Variants in ZNF584 observed in about 807,000 individuals in gnomAD.
The protein encoded by ZNF584 is zinc finger protein 584.
A neutral mutation model predicts 14.7 loss-of-function variants in ZNF584; 12 were observed. The observed-to-expected ratio is 0.82, with a 90% confidence interval of 0.52 to 1.32. The LOEUF (loss-of-function observed/expected upper bound fraction) is 1.32. Ranked by LOEUF, ZNF584 falls within the 40% of genes most tolerant of loss-of-function variation. ZNF584 has a pLI of 0.00. For synonymous variants in ZNF584, 204 were observed against 190.9 expected (o/e 1.07, Z -0.57); for missense variants, 478 against 518.8 (o/e 0.92, Z 0.76).
At chr19:58,416,621 C>T (rs186073822) in intron 3 of ZNF584, 190 bp from the exon 4 acceptor site, 5 of 528,102 alleles carry the variant, frequency 9.5e-6, no homozygotes, top group East Asian at 6.3e-5. Context: ...AGGCTGGTCT[C>T]GAACTCCTGA....
In ZNF584 at chr19:58,417,219, A is replaced by G. The variant is rs369606384; in HGVS notation, c.701A>G (p.Lys234Arg). ...SYPSKLRKHQ[K>R]VHTGIKPFKC... The stretch of plus-strand genomic sequence containing the variant: ...CCGTCTAAGCTGAGGAAACACCAGA[A>G]GGTTCACACAGGCATAAAACCTTTT... The change falls in exon 4 of 4, where the codon AAG becomes AGG. Residue 234 changes from lysine (K) to arginine (R), a missense_variant. By Grantham distance (26) the Lys-to-Arg change is conservative. Transcript: ENST00000306910. 1 of 1,614,044 alleles carries G rather than the reference A, an allele frequency of 6.2e-7. No homozygotes were observed. Among genetic ancestry groups the G allele is most frequent in the African/African-American group, 1.3e-5 (1 of 74,918 alleles).
At chr19:58,416,778 C>G (rs751413835) in intron 3 of ZNF584, 33 bp from the exon 4 acceptor site, 1 of 1,521,456 alleles carries the variant, frequency 6.6e-7, no homozygotes, top group South Asian at 1.3e-5. Flanking sequence ...CCCTCTAGTT[C>G]AACTCTTAGT....
chr19:58,401,823 C>T (rs1041884124), intron 1 of ZNF584, among the ~76,000 whole-genome samples: 5 of 123,880 alleles, frequency 4.0e-5, no homozygotes, highest in Non-Finnish European at 3.1e-5. Flanking sequence ...GTTATGAATA[C>T]ATTTTAACGC....
rs771384956 is a variant in ZNF584, at chr19:58,417,528, C to A, written c.1010C>A (p.Thr337Asn). ...AAGCAATGTGGGAAAGGCTACGTGA[C>A]CCGTTCAGGCCTCTATCAGCACTGG... The part of the protein sequence containing the change: ...ECKQCGKGYV[T>N]RSGLYQHWKV... Residue 337 changes from threonine to asparagine, a missense_variant, in exon 4 of 4, where the codon ACC becomes AAC. Physicochemically the swap from Thr to Asn is moderately conservative, Grantham distance 65. Transcript: ENST00000306910. 6.2e-7 allele frequency: 1 copy of A among 1,614,198 alleles called. No individual in the cohort carries two copies. The highest frequency in any genetic ancestry group is 8.5e-7 in the Non-Finnish European group (1 of 1,180,040).
At chr19:58,410,201 C>G in intron 2 of ZNF584, 110 bp downstream of exon 2, 2 of 1,378,298 alleles carry the variant, frequency 1.5e-6, no homozygotes, top group Non-Finnish European at 1.9e-6. Flanking sequence ...TTCCCAGATT[C>G]CCTGTTGTAG....
intron 2 of ZNF584, among the ~76,000 whole-genome samples, chr19:58,412,199 C>CTTTTTTTTTTTT (rs35188048): frequency 2.4e-5 from 2 of 83,936 alleles, no homozygotes; most frequent in African/African-American, 1.2e-4. Flanking sequence ...CCAGGGTGGT[C>CTTTTTTTTTTTT]TTTTTTTTTT....
rs747577986 is a variant in ZNF584 at position 58,415,552 on chromosome 19, T to C, written c.198T>C (p.Phe66=). The change falls in exon 3 of 4, where the codon TTT becomes TTC. Residue 66 remains phenylalanine (F), a synonymous_variant. Transcript: ENST00000306910. ...TTGCACCTTCGAGATCCCCTGTGTT[T>C]ACCCAGCTGGAGGATGATGAACAGT... is the stretch of plus-strand genomic sequence containing the variant. ...LGLAPSRSPV[F]TQLEDDEQSW... is the part of the protein sequence containing the mutation. 2 of 1,613,712 alleles carry C rather than the reference T, an allele frequency of 1.2e-6. No homozygotes were observed. Among genetic ancestry groups the C allele is most frequent in the Admixed American group, 1.7e-5 (1 of 59,988 alleles).
intron 3 of ZNF584, chr19:58,415,932 C>T (rs1322095830): frequency 6.3e-7 from 1 of 1,596,998 alleles, no homozygotes; most frequent in Non-Finnish European, 8.5e-7. Flanking sequence ...TGCACATATC[C>T]TTAAACAGGT....
At chr19:58,409,225 C>T (rs765081711) in intron 1 of ZNF584, 60 bp downstream of exon 1, 31 of 1,384,702 alleles carry the variant, frequency 2.2e-5, no homozygotes, top group Non-Finnish European at 2.7e-5. Flanking sequence ...CGGCGTGTGC[C>T]AGGGCAGAGT....
chr19:58,410,561 G>GTATATA (rs1223527646), intron 2 of ZNF584, among the ~76,000 whole-genome samples: 1 of 20,470 alleles, frequency 4.9e-5, no homozygotes, highest in Non-Finnish European at 7.9e-5. Context: ...ATATATATGT[G>GTATATA]TATATATATA....
Position 58,409,839 on chromosome 19 carries a change from CA to C in ZNF584, c.19-101del, listed in dbSNP as rs766365058. 1.5e-5 allele frequency: 21 copies of C among 1,391,770 alleles called. No individual in the cohort carries two copies. The African/African-American group carries it at 2.0e-4, about 13-fold the overall frequency. The allele number at this position is 1,391,770 out of a possible 1,614,324, so 86.2% of individuals were successfully genotyped here. On this transcript the variant is annotated intron_variant, in intron 1 of 3. Coordinates refer to ENST00000306910, the MANE Select transcript of ZNF584 (RefSeq NM_173548.3). ...TAGAGCTCATAGGGAAAGATAATGT[CA>C]GGGGGAGATGTGATAGGACCCTGAG... is the stretch of plus-strand genomic sequence containing the variant.
At chr19:58,416,135 T>C (rs1169954830) in intron 3 of ZNF584, 2 of 577,194 alleles carry the variant, frequency 3.5e-6, no homozygotes, top group East Asian at 2.9e-5. Flanking sequence ...TCCTATCTTG[T>C]GCCCTCATCT....
chr19:58,417,651 AAG>A lies in ZNF584; in HGVS notation c.1138_1139del (p.Arg380ValfsTer3), dbSNP rs770381042. Reference sequence around the variant, plus strand: ...AATCGGCACCAGCAGTTCCACACTGAAGAGAGGTCTTATGAATGTACAGAGTG... The same window carrying A: ...AATCGGCACCAGCAGTTCCACACTGAAGAGGTCTTATGAATGTACAGAGTG... On this transcript the variant is annotated frameshift_variant, in exon 4 of 4. Coordinates refer to ENST00000306910, the MANE Select transcript of ZNF584 (RefSeq NM_173548.3). LOFTEE classifies it low-confidence loss of function (END_TRUNC). The A allele has an allele frequency of 6.2e-7, 1 of 1,613,964 alleles. No homozygotes were observed. Among genetic ancestry groups the A allele is most frequent in the South Asian group, 1.1e-5 (1 of 91,066 alleles).
chr19:58,410,151 G>A (rs111924630), intron 2 of ZNF584, 60 bp downstream of exon 2: 2 of 1,542,026 alleles, frequency 1.3e-6, no homozygotes, highest in Non-Finnish European at 1.7e-6. Flanking sequence ...CCCATGCGAA[G>A]TTCTGTCCAT....
intron 2 of ZNF584, 41 bp downstream of exon 2, chr19:58,410,132 C>T: frequency 1.3e-6 from 2 of 1,556,372 alleles, no homozygotes; most frequent in South Asian, 1.2e-5. Flanking sequence ...TGACTACCCC[C>T]TCATTTTCCC....
intron 2 of ZNF584, among the ~76,000 whole-genome samples, chr19:58,410,809 T>TTTTTTA: frequency 8.9e-6 from 1 of 111,918 alleles, no homozygotes; most frequent in Non-Finnish European, 1.7e-5. Context: ...TTTTTTTTTT[T>TTTTTTA]GAGACAGAGC....
At chr19:58,403,947 C>T (rs570673759), upstream of ZNF584, among the ~76,000 whole-genome samples, 3 of 127,250 alleles carry the variant, frequency 2.4e-5, no homozygotes, top group Admixed American at 2.6e-4. Context: ...GGTGTCAGAG[C>T]AACTCCGTCT....
chr19:58,409,990 C>T lies in ZNF584; in HGVS notation c.68C>T (p.Thr23Met), dbSNP rs200679930. The T allele has an allele frequency of 5.6e-5, 91 of 1,613,790 alleles. No individual in the cohort carries two copies. The highest frequency in any genetic ancestry group is 3.3e-4 in the East Asian group (15 of 44,878). The change falls in exon 2 of 4, where the codon ACG becomes ATG. Residue 23 changes from threonine to methionine, a missense_variant. This residue lies in a region of ZNF584 where 189 missense variants were observed against 177.9 expected (regional missense o/e 1.06). Transcript: ENST00000306910. Reference sequence around the variant, plus strand: ...GGCTTGGTGATGTTTGAGGATGTGACGGTATATTTCTCCAGGGAGGAGTGG... The same window carrying T: ...GGCTTGGTGATGTTTGAGGATGTGATGGTATATTTCTCCAGGGAGGAGTGG... Reference protein sequence around the residue: ...LQGLVMFEDVTVYFSREEWGL... With the variant: ...LQGLVMFEDVMVYFSREEWGL...
chr19:58,414,607 G>A (rs897300121), intron 2 of ZNF584, among the ~76,000 whole-genome samples: 3 of 152,018 alleles, frequency 2.0e-5, no homozygotes, highest in African/African-American at 7.2e-5. Flanking sequence ...CTCCCAAAGT[G>A]CTGGGATTAC....
Sources: allele counts gnomAD v4.1 joint callset (sites outside exome capture counted in the v4.1 genomes callset), GRCh38; gene constraint gnomAD v4.1.1; regional missense constraint gnomAD v4.1.1; transcripts MANE v1.5; gene names NCBI Gene and HGNC (gene_info 2026-07-23, HGNC 2026-07-21).